The following BRWD1 variants were observed in gnomAD, a reference collection of about 807,000 sequenced individuals.
BRWD1 encodes the protein bromodomain and WD repeat domain containing 1, also known as bromodomain and WD repeat-containing protein 1.
A neutral mutation model predicts 251.2 loss-of-function variants in BRWD1; 82 were observed. The observed-to-expected ratio is 0.33, with a 90% CI of 0.27 to 0.39. BRWD1 has a LOEUF of 0.39. BRWD1 is among the 10% of genes least tolerant of loss of function. The pLI is 1.00. For missense variants in BRWD1, 2,233 were observed against 2,711.6 expected (o/e 0.82, Z 3.92); for synonymous variants, 918 against 902.8 (o/e 1.02, Z -0.30).
At chr21:39,301,333 T>C (rs530264136) in intron 4 of BRWD1, among the ~76,000 whole-genome samples, 1 of 152,334 alleles carries the variant, frequency 6.6e-6, no homozygotes, top group Admixed American at 6.5e-5. Context: ...ACTACTTCTA[T>C]GATTAGGTTA....
At chr21:39,217,068 TATATATATA>T (rs2032964697) in intron 31 of BRWD1, 2 of 11,294 alleles carry the variant, frequency 1.8e-4, no homozygotes, top group Non-Finnish European at 3.4e-4. Flanking sequence ...TATATATATA[TATATATATA>T]TATATATTTT....
chr21:39,274,569 T>A (rs2035220929), intron 12 of BRWD1, 97 bp from the exon 13 acceptor site: 4 of 968,822 alleles, frequency 4.1e-6, no homozygotes, highest in Non-Finnish European at 3.2e-6. Context: ...AATGAAGCTG[T>A]CCTAACAACA....
Position 39,242,245 on chromosome 21 carries a change from G to A in BRWD1, c.2482-3672C>T, listed in dbSNP as rs143707768. ...TGCTATTCCAGTGAACACACAAATGGTAAGAAAGCAAAATAGCCATACGGC... is the reference window on the plus strand; with the variant it reads ...TGCTATTCCAGTGAACACACAAATGATAAGAAAGCAAAATAGCCATACGGC... On this transcript the variant is annotated intron_variant, in intron 21 of 40. Coordinates refer to ENST00000342449, the MANE Select transcript of BRWD1 (RefSeq NM_033656.4). 2.6e-5 allele frequency among the ~76,000 whole-genome samples: 4 copies of A among 152,308 alleles called. No homozygotes were observed. The East Asian group carries it at 7.7e-4, about 29-fold the overall frequency.
In BRWD1 at chr21:39,199,300, G is replaced by A. The variant is rs144397759; in HGVS notation, c.5116C>T (p.His1706Tyr). ...TCATCAACATTGCTCTGGGCAGTGT[G>A]AGAACTGGACACTGGTAATAGTTGA... The part of the protein sequence containing the change: ...ENQLLPVSSS[H>Y]TAQSNVDESE... The change falls in exon 40 of 41, where the codon CAC (histidine) becomes TAC (tyrosine). Residue 1706 changes from histidine to tyrosine, a missense_variant. Physicochemically the swap from His to Tyr is moderately conservative, Grantham distance 83. Coordinates refer to ENST00000342449, the MANE Select transcript of BRWD1 (RefSeq NM_033656.4). 4.3e-5 allele frequency: 69 copies of A among 1,614,174 alleles called. No individual in the cohort carries two copies. The African/African-American group carries it at 8.4e-4, about 20-fold the overall frequency.
At chr21:39,260,935 A>G (rs1234777323) in intron 17 of BRWD1, among the ~76,000 whole-genome samples, 1 of 152,236 alleles carries the variant, frequency 6.6e-6, no homozygotes, top group African/African-American at 2.4e-5. Flanking sequence ...AAATACTGAT[A>G]CGTGGCCGGG....
intron 5 of BRWD1, chr21:39,297,292 C>T: frequency 1.0e-6 from 1 of 985,440 alleles, no homozygotes; most frequent in Non-Finnish European, 1.2e-6. Flanking sequence ...TTGCATTTTA[C>T]ATGAATGGAT....
intron 8 of BRWD1, among the ~76,000 whole-genome samples, chr21:39,289,595 T>A (rs1259178813): frequency 6.6e-6 from 1 of 152,240 alleles, no homozygotes. Flanking sequence ...TCTCAGCTTG[T>A]CTAAATATGC....
At chr21:39,251,952 G>C (rs961134544) in intron 19 of BRWD1, among the ~76,000 whole-genome samples, 1 of 152,060 alleles carries the variant, frequency 6.6e-6, no homozygotes, top group South Asian at 2.1e-4. Context: ...TATTAGCAAA[G>C]ATCATAGAGT....
chr21:39,247,740 C>G lies in BRWD1; in HGVS notation c.2442G>C (p.Glu814Asp). 2 of 1,613,616 alleles carry G rather than the reference C, an allele frequency of 1.2e-6. No homozygotes were observed. The highest frequency in any genetic ancestry group is 1.1e-5 in the South Asian group (1 of 90,970). The change falls in exon 21 of 41, where the codon GAG becomes GAC. Residue 814 changes from glutamate (E) to aspartate (D), a missense_variant. Transcript: ENST00000342449. ...TTGAAGACTCATTTCCAGAAGATAA[C>G]TCACGCCAGCTACGATTTCTTCTAC... ...NYGRRNRSWR[E>D]LSSGNESSSS...
intron 3 of BRWD1, 80 bp from the exon 4 acceptor site, chr21:39,312,980 G>T (rs1192022627): frequency 9.0e-6 from 7 of 780,856 alleles, no homozygotes; most frequent in Non-Finnish European, 1.1e-5. Flanking sequence ...GGGGCGGGCG[G>T]CGGGCGGCGG....
intron 4 of BRWD1, among the ~76,000 whole-genome samples, chr21:39,299,437 G>A (rs1250994184): frequency 2.0e-5 from 3 of 151,974 alleles, no homozygotes; most frequent in African/African-American, 4.8e-5. Flanking sequence ...AGCCTATTAG[G>A]TGCCAGGAGC....
At chr21:39,285,907 A>C (rs2035620321) in intron 8 of BRWD1, among the ~76,000 whole-genome samples, 1 of 150,120 alleles carries the variant, frequency 6.7e-6, no homozygotes, top group African/African-American at 2.4e-5. Context: ...TGTATTCGTC[A>C]AAGGTAGTTA....
chr21:39,195,151 A>G lies in BRWD1; in HGVS notation c.*1108T>C, dbSNP rs1238450403. On this transcript the variant is annotated 3_prime_UTR_variant, in exon 41 of 41. Transcript: ENST00000342449. ...TGGACTAGAAGTCACTAATAAAGAT[A>G]CATTTAGTTGCCCCAGCAAAGAATG... 9.1e-7 allele frequency: 1 copy of G among 1,093,266 alleles called. No individual in the cohort carries two copies. Among genetic ancestry groups the G allele is most frequent in the Admixed American group, 4.9e-5 (1 of 20,450 alleles). 67.7% of individuals were successfully genotyped at this position (1,093,266 alleles called of 1,614,324 possible).
At chr21:39,202,832 T>C (rs1457095014) in intron 37 of BRWD1, among the ~76,000 whole-genome samples, 1 of 152,230 alleles carries the variant, frequency 6.6e-6, no homozygotes, top group African/African-American at 2.4e-5. Context: ...TTGGATTAAA[T>C]GCTAAGAGGA....
At chr21:39,197,543 C>T in intron 40 of BRWD1, 128 bp from the exon 41 acceptor site, 1 of 702,670 alleles carries the variant, frequency 1.4e-6, no homozygotes, top group Non-Finnish European at 2.3e-6. Context: ...GAATGGTACA[C>T]ACCTATTAGT....
At chr21:39,283,006 A>G (rs2035522038) in intron 8 of BRWD1, among the ~76,000 whole-genome samples, 1 of 152,048 alleles carries the variant, frequency 6.6e-6, no homozygotes, top group Non-Finnish European at 1.5e-5. Flanking sequence ...TCCATGAAAG[A>G]ATATGTTTAA....
intron 18 of BRWD1, 151 bp downstream of exon 18, chr21:39,258,336 C>T: frequency 1.7e-6 from 1 of 600,440 alleles, no homozygotes; most frequent in Non-Finnish European, 2.6e-6. Context: ...TATCTCACAC[C>T]TCATAAAGCT....
At chr21:39,221,295 T>C (rs542162043) in intron 29 of BRWD1, among the ~76,000 whole-genome samples, 1 of 152,154 alleles carries the variant, frequency 6.6e-6, no homozygotes, top group Non-Finnish European at 1.5e-5. Context: ...CCCCAAACGG[T>C]AGGCATTCAA....
At chr21:39,247,945 G>A (rs539094784) in intron 20 of BRWD1, 113 bp from the exon 21 acceptor site, 11 of 1,243,320 alleles carry the variant, frequency 8.8e-6, no homozygotes, top group Non-Finnish European at 1.2e-5. Flanking sequence ...AGAAAAAAAG[G>A]CTTAAAAAGA....
Sources: gnomAD v4.1 joint callset for allele counts (sites outside exome capture counted in the v4.1 genomes callset) on GRCh38, gnomAD v4.1.1 for gene constraint, MANE v1.5 for transcripts, NCBI Gene and HGNC (gene_info 2026-07-23, HGNC 2026-07-21) for gene names.